The following CLNK variants were observed in gnomAD, a reference collection of about 807,000 sequenced individuals.
The protein encoded by CLNK is cytokine-dependent hematopoietic cell linker.
CLNK carries 74 observed loss-of-function variants against 68.6 expected under a neutral mutation model. That is an observed-to-expected ratio of 1.08 (90% CI 0.89 to 1.31). The LOEUF (loss-of-function observed/expected upper bound fraction) is 1.31, where lower values mean the gene tolerates loss of function less well. Ranked by LOEUF, CLNK falls within the 50% of genes most tolerant of loss-of-function variation. CLNK has a pLI of 0.00. For synonymous variants in CLNK, 198 were observed against 172.2 expected (o/e 1.15, Z -1.17); for missense variants, 553 against 515.3 (o/e 1.07, Z -0.71).
intron 2 of CLNK, among the ~76,000 whole-genome samples, chr4:10,655,922 T>C (rs531363765): frequency 8.5e-5 from 13 of 152,210 alleles, no homozygotes; most frequent in Non-Finnish European, 1.3e-4. Context: ...GTGCTGGGAT[T>C]ACAGGCGTGA....
chr4:10,705,189 G>A, the CLNK span, among the ~76,000 whole-genome samples: 21 of 152,314 alleles, frequency 1.4e-4, no homozygotes, highest in Non-Finnish European at 1.5e-4. Flanking sequence ...GGGGTGGAAG[G>A]AATGGAGTCT....
intron 4 of CLNK, among the ~76,000 whole-genome samples, chr4:10,576,217 A>G (rs1329993330): frequency 6.6e-6 from 1 of 152,192 alleles, no homozygotes; most frequent in Non-Finnish European, 1.5e-5. Flanking sequence ...ATCCCCACCA[A>G]AGTGGCTCAC....
At chr4:10,684,344 G>A (rs1253148276) in intron 1 of CLNK, among the ~76,000 whole-genome samples, 1 of 152,194 alleles carries the variant, frequency 6.6e-6, no homozygotes, top group Non-Finnish European at 1.5e-5. Flanking sequence ...AGGTCAGCCA[G>A]GAAAGCCAGC....
intron 2 of CLNK, among the ~76,000 whole-genome samples, chr4:10,661,815 T>C (rs970051596): frequency 6.6e-6 from 1 of 152,226 alleles, no homozygotes; most frequent in African/African-American, 2.4e-5. Flanking sequence ...TCCTAAGTCA[T>C]AGGCTCAGAA....
At chr4:10,585,591 C>G (rs778337292) in intron 3 of CLNK, among the ~76,000 whole-genome samples, 1 of 152,220 alleles carries the variant, frequency 6.6e-6, no homozygotes, top group Non-Finnish European at 1.5e-5. Flanking sequence ...ACCTGATTCT[C>G]AAACCATTCA....
At chr4:10,605,581 G>A (rs756935638) in intron 2 of CLNK, among the ~76,000 whole-genome samples, 1 of 152,118 alleles carries the variant, frequency 6.6e-6, no homozygotes, top group Non-Finnish European at 1.5e-5. Context: ...AATCCCAGCA[G>A]CACTTTGGGA....
chr4:10,494,061 G>T (rs1716706620), intron 18 of CLNK, among the ~76,000 whole-genome samples: 1 of 152,216 alleles, frequency 6.6e-6, no homozygotes, highest in South Asian at 2.1e-4. Context: ...TCACCAAGAA[G>T]TTTGTAGACC....
At chr4:10,709,208 A>G in the CLNK span, among the ~76,000 whole-genome samples, 1 of 152,216 alleles carries the variant, frequency 6.6e-6, no homozygotes, top group Non-Finnish European at 1.5e-5. Context: ...AAGACTCAAA[A>G]AACTTTTTCA....
chr4:10,607,763 G>A (rs377419921), intron 2 of CLNK, among the ~76,000 whole-genome samples: 2 of 152,328 alleles, frequency 1.3e-5, no homozygotes, highest in African/African-American at 4.8e-5. Flanking sequence ...TCCAGGGACA[G>A]CCAGCTGAAT....
intron 2 of CLNK, among the ~76,000 whole-genome samples, chr4:10,666,013 T>C (rs534690994): frequency 6.6e-6 from 1 of 151,908 alleles, no homozygotes; most frequent in African/African-American, 2.4e-5. Context: ...AGAGGGAGAT[T>C]TGAGGTGAGA....
chr4:10,498,027 C>T (rs1036685262), intron 18 of CLNK, among the ~76,000 whole-genome samples: 100 of 152,074 alleles, frequency 6.6e-4, no homozygotes, highest in African/African-American at 2.1e-3. Flanking sequence ...GCAACCCTGT[C>T]TCTATTAAAA....
rs1722993893 is a variant in CLNK at position 10,634,197 on chromosome 4, A to C, written c.11+33662T>G. On this transcript the variant is annotated intron_variant, in intron 2 of 18. Coordinates refer to ENST00000226951, the MANE Select transcript of CLNK (RefSeq NM_052964.4). ...CATTAGTAAGGCCCATAAGAAGAGA[A>C]GGGGCACAGAGTAGAGCCTAGGGGA... is the stretch of plus-strand genomic sequence containing the variant. 4.6e-5 allele frequency among the ~76,000 whole-genome samples: 7 copies of C among 152,306 alleles called. 1 individual carries two copies. In the South Asian group the frequency reaches 1.5e-3, roughly 32 times the overall value.
At chr4:10,494,006 C>G (rs1716703931) in intron 18 of CLNK, among the ~76,000 whole-genome samples, 1 of 152,224 alleles carries the variant, frequency 6.6e-6, no homozygotes, top group Non-Finnish European at 1.5e-5. Flanking sequence ...ATGATTAACT[C>G]CTCCCTTCTA....
At position 10,628,909 on chromosome 4, in the gene CLNK, C is replaced by G. The variant is rs116751657; in HGVS notation, c.12-30860G>C. ...TGAACCCATATTGCAGGAAGGAAGG[C>G]TAAGATCTGTCAACACACCTGGGCA... On this transcript the variant is annotated intron_variant, in intron 2 of 18. Transcript: ENST00000226951. Among the ~76,000 whole-genome samples the G allele has an allele frequency of 2.2e-3, 332 of 152,302 alleles. 1 individual carries two copies. The highest frequency in any genetic ancestry group is 7.7e-3 in the African/African-American group (320 of 41,570).
At chr4:10,599,604 G>T (rs1442331039) in intron 2 of CLNK, among the ~76,000 whole-genome samples, 1 of 151,892 alleles carries the variant, frequency 6.6e-6, no homozygotes, top group Non-Finnish European at 1.5e-5. Context: ...TTTCTAATTG[G>T]TTATTTCCCA....
the CLNK span, among the ~76,000 whole-genome samples, chr4:10,712,901 C>T: frequency 6.6e-6 from 1 of 152,196 alleles, no homozygotes; most frequent in Non-Finnish European, 1.5e-5. Context: ...CTATGACCCC[C>T]ACCAGAAACT....
intron 2 of CLNK, among the ~76,000 whole-genome samples, chr4:10,647,127 C>A (rs189265654): frequency 3.3e-5 from 5 of 152,294 alleles, no homozygotes; most frequent in African/African-American, 9.6e-5. Context: ...TTAACCCCTA[C>A]TAAGTGGGTC....
chr4:10,523,125 C>T (rs1003152051), intron 14 of CLNK, among the ~76,000 whole-genome samples: 3 of 152,146 alleles, frequency 2.0e-5, no homozygotes. Flanking sequence ...TAGACACATT[C>T]AACACATGTT....
At chr4:10,723,882 C>CAGAGAGAG in the CLNK span, among the ~76,000 whole-genome samples, 929 of 70,930 alleles carry the variant, frequency 0.013, 46 homozygotes, top group East Asian at 0.045. Flanking sequence ...ACACAGGAGT[C>CAGAGAGAG]AGAGAGAGAG....
Sources: gnomAD v4.1 joint callset for allele counts (sites outside exome capture counted in the v4.1 genomes callset) on GRCh38, gnomAD v4.1.1 for gene constraint, MANE v1.5 for transcripts, NCBI Gene and HGNC (gene_info 2026-07-23, HGNC 2026-07-21) for gene names.